The following NXPE3 variants were observed in gnomAD, a reference collection of about 807,000 sequenced individuals.
NXPE3 encodes the protein neurexophilin and PC-esterase domain family member 3.
In NXPE3, 26 loss-of-function variants were observed where a neutral mutation model predicts 46.1. The ratio of observed to expected loss-of-function variants is 0.56; its 90% CI spans 0.41 to 0.78. NXPE3 has a LOEUF of 0.78. Among genes scored for constraint, NXPE3 ranks in the 30% least tolerant of loss-of-function variants. The pLI, the probability that NXPE3 is intolerant of heterozygous loss-of-function variation, is 0.00. For missense variants in NXPE3, 620 were observed against 686.0 expected, an observed-to-expected ratio of 0.90 and a Z score of 1.07; for synonymous variants, 272 against 257.9, an observed-to-expected ratio of 1.05 and a Z score of -0.52.
At chr3:101,815,185 A>G (rs1280561068) in intron 6 of NXPE3, among the ~76,000 whole-genome samples, 1 of 152,226 alleles carries the variant, frequency 6.6e-6, no homozygotes. Flanking sequence ...TATCAAGTGT[A>G]ACTAGGTTAC....
intron 4 of NXPE3, among the ~76,000 whole-genome samples, chr3:101,798,375 T>C (rs1452715889): frequency 1.3e-5 from 2 of 152,016 alleles, no homozygotes; most frequent in African/African-American, 4.8e-5. Context: ...TTTCTGCTAC[T>C]GCTGTTTTTT....
chr3:101,788,653 T>G (rs2107252576), intron 4 of NXPE3, among the ~76,000 whole-genome samples: 1 of 152,294 alleles, frequency 6.6e-6, no homozygotes, highest in South Asian at 2.1e-4. Flanking sequence ...TCTTGCTCTG[T>G]TGCCCAGGTT....
chr3:101,809,572 C>T (rs1223942258), intron 6 of NXPE3, among the ~76,000 whole-genome samples: 2 of 152,158 alleles, frequency 1.3e-5, no homozygotes, highest in African/African-American at 4.8e-5. Context: ...GTCTCTCATT[C>T]TTTCAACATT....
chr3:101,795,503 G>A (rs1940774041), intron 4 of NXPE3, among the ~76,000 whole-genome samples: 3 of 142,800 alleles, frequency 2.1e-5, no homozygotes, highest in Non-Finnish European at 3.1e-5. Flanking sequence ...GGGCAACAAA[G>A]TGAGACTTAT....
intron 4 of NXPE3, among the ~76,000 whole-genome samples, chr3:101,796,984 C>T (rs1253221956): frequency 6.6e-6 from 1 of 152,060 alleles, no homozygotes; most frequent in African/African-American, 2.4e-5. Context: ...TGCAGTTTAA[C>T]CAATTGCATA....
At chr3:101,789,380 C>A (rs1010264641) in intron 4 of NXPE3, among the ~76,000 whole-genome samples, 1 of 151,972 alleles carries the variant, frequency 6.6e-6, no homozygotes, top group Non-Finnish European at 1.5e-5. Flanking sequence ...CCCATCTCTA[C>A]AAAAAATTTT....
At chr3:101,779,531 G>T (rs1939689206) in intron 1 of NXPE3, 1 of 153,208 alleles carries the variant, frequency 6.5e-6, no homozygotes, top group Non-Finnish European at 1.5e-5. Flanking sequence ...GGAGGCCCGG[G>T]TCGAAGGCAT....
Position 101,822,183 on chromosome 3 carries a change from G to GA in NXPE3, c.*229_*230insA. The GA allele has an allele frequency of 4.4e-6, 2 of 452,330 alleles. No individual in the cohort carries two copies. The highest frequency in any genetic ancestry group is 3.4e-5 in the East Asian group (1 of 29,462). 28.0% of individuals were successfully genotyped at this position (452,330 alleles called of 1,614,324 possible). A position where few individuals can be genotyped will look rare whatever the true frequency, so the allele number is the denominator to read the frequency against. On this transcript the variant is annotated 3_prime_UTR_variant, in exon 8 of 8. Transcript: ENST00000273347. ...CTTAGCCATGGTAGAACTCTTAACTGCATCTACACACTATATTGCTCTTGT... is the reference window on the plus strand; with the variant it reads ...CTTAGCCATGGTAGAACTCTTAACTGACATCTACACACTATATTGCTCTTGT...
chr3:101,801,750 TAAACC>T lies in NXPE3; in HGVS notation c.611_615del (p.Lys204ArgfsTer16), dbSNP rs759173578. On this transcript the variant is annotated frameshift_variant, in exon 5 of 8. Coordinates refer to ENST00000273347, the MANE Select transcript of NXPE3 (RefSeq NM_145037.4). LOFTEE classifies it high-confidence loss of function. ...GAGTTCTTCAGCGCTTACAGGAAGATAAACCAGACAGGGTCTATTTCAAGAGTCTC... is the reference window on the plus strand; with the variant it reads ...GAGTTCTTCAGCGCTTACAGGAAGATAGACAGGGTCTATTTCAAGAGTCTC... 2 of 1,614,210 alleles carry T rather than the reference TAAACC, an allele frequency of 1.2e-6. No individual in the cohort carries two copies. Among genetic ancestry groups the T allele is most frequent in the South Asian group, 1.1e-5 (1 of 91,088 alleles).
In NXPE3 at chr3:101,801,776, G is replaced by A. The variant is rs751579719; in HGVS notation, c.635G>A (p.Ser212Asn). ...AAACCAGACAGGGTCTATTTCAAGA[G>A]TCTCTTCCGTTCAGGAAGAATTTCT... Reference protein sequence around the residue: ...EDKPDRVYFKSLFRSGRISET... With the variant: ...EDKPDRVYFKNLFRSGRISET... The change falls in exon 5 of 8, where the codon AGT becomes AAT. Residue 212 changes from serine (S) to asparagine (N), a missense_variant. Transcript: ENST00000273347. The A allele has an allele frequency of 6.2e-7, 1 of 1,614,226 alleles. No homozygotes were observed. Among genetic ancestry groups the A allele is most frequent in the South Asian group, 1.1e-5 (1 of 91,084 alleles).
chr3:101,803,926 G>A (rs1483561641), intron 5 of NXPE3, among the ~76,000 whole-genome samples: 1 of 152,120 alleles, frequency 6.6e-6, no homozygotes, highest in Non-Finnish European at 1.5e-5. Context: ...CGTTAGAGTT[G>A]TGTTTTTAGA....
At chr3:101,795,929 T>G (rs1940806546) in intron 4 of NXPE3, among the ~76,000 whole-genome samples, 1 of 152,234 alleles carries the variant, frequency 6.6e-6, no homozygotes, top group South Asian at 2.1e-4. Flanking sequence ...CGTTTTTGCT[T>G]TCTTGTACAT....
At chr3:101,815,489 T>C (rs568398094) in intron 6 of NXPE3, among the ~76,000 whole-genome samples, 14 of 152,362 alleles carry the variant, frequency 9.2e-5, no homozygotes, top group Non-Finnish European at 1.9e-4. Context: ...ACTGTTCTCT[T>C]CTGGGAGAAT....
intron 5 of NXPE3, among the ~76,000 whole-genome samples, chr3:101,805,124 A>G (rs560919471): frequency 6.6e-6 from 1 of 152,324 alleles, no homozygotes; most frequent in South Asian, 2.1e-4. Context: ...TGCAGACATC[A>G]TGGCACTGCA....
intron 4 of NXPE3, among the ~76,000 whole-genome samples, chr3:101,788,296 T>C (rs1019737767): frequency 6.3e-4 from 96 of 152,316 alleles, no homozygotes; most frequent in African/African-American, 2.2e-3. Flanking sequence ...ATCAGACATA[T>C]GATTTGCAAA....
chr3:101,813,119 AT>A (rs1291145993), intron 6 of NXPE3, among the ~76,000 whole-genome samples: 1 of 152,044 alleles, frequency 6.6e-6, no homozygotes, highest in Non-Finnish European at 1.5e-5. Context: ...CACTATCCTC[AT>A]TCCTCATCCT....
Position 101,825,145 on chromosome 3 carries a change from C to T in NXPE3, c.*3191C>T, listed in dbSNP as rs1211447659. On this transcript the variant is annotated 3_prime_UTR_variant, in exon 8 of 8. Coordinates refer to ENST00000273347, the MANE Select transcript of NXPE3 (RefSeq NM_145037.4). ...CATTAGTAATTTTTCCTGATCCTCT[C>T]CCTCCTCCTACCCTCCACCCTCCAA... is the stretch of plus-strand genomic sequence containing the variant. 1.3e-5 allele frequency: 2 copies of T among 152,166 alleles called. No homozygotes were observed. The highest frequency in any genetic ancestry group is 3.9e-4 in the East Asian group (2 of 5,194). 9.4% of individuals were successfully genotyped at this position (152,166 alleles called of 1,614,324 possible).
At chr3:101,791,896 C>T (rs536005477) in intron 4 of NXPE3, among the ~76,000 whole-genome samples, 6 of 152,310 alleles carry the variant, frequency 3.9e-5, no homozygotes, top group African/African-American at 1.2e-4. Flanking sequence ...AACTAATTTA[C>T]GCTCACACCA....
In NXPE3 at chr3:101,801,632, A is replaced by G. The variant is rs781017668; in HGVS notation, c.491A>G (p.Tyr164Cys). The change falls in exon 5 of 8, where the codon TAC becomes TGC. Residue 164 changes from tyrosine to cysteine, a missense_variant. Transcript: ENST00000273347. ...GGGGCTGTGGGCAGGGTGGTGGATTACCAGAATGGGTTTTACAAGGTTTTC... is the reference window on the plus strand; with the variant it reads ...GGGGCTGTGGGCAGGGTGGTGGATTGCCAGAATGGGTTTTACAAGGTTTTC... ...QAGAVGRVVD[Y>C]QNGFYKVFFT... The G allele has an allele frequency of 3.7e-6, 6 of 1,614,070 alleles. No individual in the cohort carries two copies. The East Asian group carries it at 6.7e-5, about 18-fold the overall frequency.
Sources: gnomAD v4.1 joint callset for allele counts (sites outside exome capture counted in the v4.1 genomes callset) on GRCh38, gnomAD v4.1.1 for gene constraint, MANE v1.5 for transcripts, NCBI Gene and HGNC (gene_info 2026-07-23, HGNC 2026-07-21) for gene names.